ARHGEF18: variants seen among roughly 807,000 people sequenced by gnomAD.
ARHGEF18 encodes rho guanine nucleotide exchange factor 18.
In ARHGEF18, 93 loss-of-function variants were observed where a neutral mutation model predicts 155.7. The observed-to-expected ratio is 0.60, with a 90% CI of 0.50 to 0.71. The LOEUF is 0.71. ARHGEF18 is among the 30% of genes least tolerant of loss of function. The pLI is 0.00. For synonymous variants in ARHGEF18, 742 were observed against 753.1 expected (o/e 0.99, Z 0.24); for missense variants, 1,593 against 1,816.1 (o/e 0.88, Z 2.23).
chr19:7,363,864 AAAGG>A (rs765267310), intron 2 of ARHGEF18, among the ~76,000 whole-genome samples: 13 of 147,266 alleles, frequency 8.8e-5, no homozygotes, highest in Non-Finnish European at 1.8e-4. Context: ...AGGAAGGAAA[AAAGG>A]AAGAAAGGAA....
chr19:7,448,193 T>TGCCTTGGGGATGCCGTCTGTCTC (rs1346156013), intron 15 of ARHGEF18, among the ~76,000 whole-genome samples: 2 of 152,042 alleles, frequency 1.3e-5, no homozygotes, highest in Non-Finnish European at 2.9e-5. Context: ...CAGCCTGTCT[T>TGCCTTGGGGATGCCGTCTGTCTC]GCCTTGGGGA....
In ARHGEF18 at chr19:7,471,033, G is replaced by A; in HGVS notation, c.*735G>A. ...TTACTTGGCATTGGTTTTGAAACCA[G>A]CTGTTTCCCAAACTCTGCTTCCCAA... On this transcript the variant is annotated 3_prime_UTR_variant, in exon 29 of 29. Transcript: ENST00000668164. This position sits in a 1 kb window ranked among gnomAD's most constrained non-coding sequence, Gnocchi z 4.4. 1 of 384,294 alleles carries A rather than the reference G, an allele frequency of 2.6e-6. No homozygotes were observed. Among genetic ancestry groups the A allele is most frequent in the Middle Eastern group, 5.7e-4 (1 of 1,758 alleles). 23.8% of individuals were successfully genotyped at this position (384,294 alleles called of 1,614,324 possible).
At chr19:7,432,480 T>G (rs1974023458) in intron 10 of ARHGEF18, among the ~76,000 whole-genome samples, 1 of 152,158 alleles carries the variant, frequency 6.6e-6, no homozygotes, top group African/African-American at 2.4e-5. Flanking sequence ...TTCTTTTTGT[T>G]TTTGTTTTGT....
chr19:7,373,956 T>C (rs1749836317), intron 3 of ARHGEF18, among the ~76,000 whole-genome samples: 1 of 151,448 alleles, frequency 6.6e-6, no homozygotes, highest in African/African-American at 2.4e-5. Context: ...AGATGGAGTT[T>C]TACCATGTTG....
chr19:7,441,417 T>G (rs1290617451), intron 11 of ARHGEF18, among the ~76,000 whole-genome samples: 1 of 152,128 alleles, frequency 6.6e-6, no homozygotes, highest in African/African-American at 2.4e-5. Flanking sequence ...TGACCTCAGG[T>G]GATCCTCCTG....
downstream of ARHGEF18, chr19:7,476,725 A>T (rs2145941571): frequency 6.5e-6 from 1 of 154,822 alleles, no homozygotes; most frequent in East Asian, 1.9e-4. Flanking sequence ...GTCCGTGGGC[A>T]ACGCTTGCTC....
chr19:7,395,964 A>T lies in ARHGEF18; in HGVS notation c.967+12761A>T, dbSNP rs1971680550. ...TCGTCACCCAGGTACTGAGCATAGTACTCAATAGATAGTTTCAACCCTTGA... is the reference window on the plus strand; with the variant it reads ...TCGTCACCCAGGTACTGAGCATAGTTCTCAATAGATAGTTTCAACCCTTGA... On this transcript the variant is annotated intron_variant, in intron 10 of 28. Transcript: ENST00000668164. The surrounding 1 kb of genome is among the most constrained non-coding windows in gnomAD (Gnocchi z 5.0). 6.6e-6 allele frequency among the ~76,000 whole-genome samples: 1 copy of T among 151,818 alleles called. No individual in the cohort carries two copies. Among genetic ancestry groups the T allele is most frequent in the Admixed American group, 6.6e-5 (1 of 15,258 alleles).
intron 16 of ARHGEF18, among the ~76,000 whole-genome samples, chr19:7,452,829 G>A (rs1975572918): frequency 6.6e-6 from 1 of 151,786 alleles, no homozygotes; most frequent in Non-Finnish European, 1.5e-5. Flanking sequence ...AGATGGCAGA[G>A]CTAGTCATGG....
At chr19:7,424,408 G>A (rs7249339) in intron 10 of ARHGEF18, among the ~76,000 whole-genome samples, 80,694 of 151,454 alleles carry the variant, frequency 0.53, 21,812 homozygotes, top group Middle Eastern at 0.73. Flanking sequence ...GGTAATGCAA[G>A]TCTAAACATC....
intron 3 of ARHGEF18, among the ~76,000 whole-genome samples, 181 bp downstream of exon 3, chr19:7,373,252 G>A (rs1970280662): frequency 6.6e-6 from 1 of 152,124 alleles, no homozygotes; most frequent in South Asian, 2.1e-4. Flanking sequence ...GGGGGACAGG[G>A]GATACTTTCT....
At chr19:7,434,845 G>T (rs1179966009) in intron 10 of ARHGEF18, among the ~76,000 whole-genome samples, 1 of 152,190 alleles carries the variant, frequency 6.6e-6, no homozygotes, top group African/African-American at 2.4e-5. Context: ...ACCCATTTAA[G>T]AGTACAACCC....
chr19:7,375,623 C>A (rs1194086154), intron 3 of ARHGEF18, 97 bp from the exon 4 acceptor site: 1 of 1,167,582 alleles, frequency 8.6e-7, no homozygotes, highest in Non-Finnish European at 1.1e-6. Flanking sequence ...CCTGGAAGGG[C>A]CCCCTTGCAT....
chr19:7,439,836 A>T, intron 10 of ARHGEF18: 1 of 1,441,146 alleles, frequency 6.9e-7, no homozygotes, highest in Non-Finnish European at 9.1e-7. Flanking sequence ...CAAACAGCTC[A>T]CTTGCTTTTT....
At chr19:7,390,599 G>A (rs1413892587) in intron 10 of ARHGEF18, 2 of 151,850 alleles carry the variant, frequency 1.3e-5, no homozygotes, top group Non-Finnish European at 1.5e-5. Context: ...TGGTACACAC[G>A]GGCAATGGTA....
At chr19:7,411,229 C>T (rs377647588) in intron 10 of ARHGEF18, among the ~76,000 whole-genome samples, 26 of 150,270 alleles carry the variant, frequency 1.7e-4, no homozygotes, top group East Asian at 1.2e-3. Flanking sequence ...TCCTTCTTTT[C>T]TTCCTGTTCC....
intron 10 of ARHGEF18, chr19:7,439,846 T>C: frequency 6.9e-7 from 1 of 1,443,042 alleles, no homozygotes; most frequent in Non-Finnish European, 9.1e-7. Context: ...ACTTGCTTTT[T>C]ACACCCTGCA....
intron 3 of ARHGEF18, among the ~76,000 whole-genome samples, chr19:7,374,952 C>T (rs1970365710): frequency 6.6e-6 from 1 of 152,066 alleles, no homozygotes; most frequent in South Asian, 2.1e-4. Context: ...TAACCCGTGT[C>T]CCTCAACCCC....
intron 10 of ARHGEF18, among the ~76,000 whole-genome samples, chr19:7,402,800 G>A (rs1972085734): frequency 1.3e-5 from 2 of 152,078 alleles, no homozygotes; most frequent in Non-Finnish European, 2.9e-5. Context: ...GTAGGAGAAG[G>A]TTACAAAGTG....
intron 17 of ARHGEF18, among the ~76,000 whole-genome samples, chr19:7,455,588 C>T (rs1046381309): frequency 6.6e-6 from 1 of 152,046 alleles, no homozygotes; most frequent in African/African-American, 2.4e-5. Flanking sequence ...TCCTGGTGAC[C>T]CAGGAGCAGG....
Sources: allele counts gnomAD v4.1 joint callset (sites outside exome capture counted in the v4.1 genomes callset), GRCh38; gene constraint gnomAD v4.1.1; non-coding constraint Gnocchi (gnomAD v3.1); transcripts MANE v1.5; gene names NCBI Gene and HGNC (gene_info 2026-07-23, HGNC 2026-07-21).